Variants in ALG14 observed in about 807,000 individuals in gnomAD.
ALG14 encodes the protein UDP-N-acetylglucosamine transferase subunit ALG14.
In ALG14, 17 loss-of-function variants were observed where a neutral mutation model predicts 22.8. The observed-to-expected ratio is 0.75, with a 90% CI of 0.51 to 1.12. The LOEUF is 1.12. Among genes scored for constraint, ALG14 ranks in the 50% most tolerant of loss-of-function variants. The pLI is 0.00. For synonymous variants in ALG14, 89 were observed against 103.7 expected (o/e 0.86, Z 0.86); for missense variants, 288 against 271.8 (o/e 1.06, Z -0.42).
At chr1:94,993,790 T>C (rs1351852642) in intron 3 of ALG14, among the ~76,000 whole-genome samples, 3 of 152,208 alleles carry the variant, frequency 2.0e-5, no homozygotes, top group Non-Finnish European at 4.4e-5. Flanking sequence ...GGCTAAGCTA[T>C]AAGCAGTGCA....
rs1672543988 is a variant in ALG14 at position 94,983,226 on chromosome 1, C to T, written c.501G>A (p.Val167=). 1.2e-6 allele frequency: 2 copies of T among 1,614,138 alleles called. No homozygotes were observed. The highest frequency in any genetic ancestry group is 1.7e-6 in the Non-Finnish European group (2 of 1,180,026). Reference sequence around the variant, plus strand: ...AGATGCTTTCAACGTAGACAATGATCACTTTCTTTATTCCTAGTATCCCAA... The same window carrying T: ...AGATGCTTTCAACGTAGACAATGATTACTTTCTTTATTCCTAGTATCCCAA... ...LLLGILGIKK[V]IIVYVESICR... is the part of the protein sequence containing the mutation. The change falls in exon 4 of 4, where the codon GTG becomes GTA. Residue 167 remains valine, a synonymous_variant. Coordinates refer to ENST00000370205, the MANE Select transcript of ALG14 (RefSeq NM_144988.4).
intron 3 of ALG14, among the ~76,000 whole-genome samples, chr1:95,020,999 C>T (rs1057075554): frequency 4.6e-5 from 7 of 152,112 alleles, no homozygotes; most frequent in Non-Finnish European, 8.8e-5. Flanking sequence ...GAGAAACTTT[C>T]GCCATTTTCT....
chr1:95,019,501 G>A (rs1317784511), intron 3 of ALG14, among the ~76,000 whole-genome samples: 1 of 152,090 alleles, frequency 6.6e-6, no homozygotes, highest in Non-Finnish European at 1.5e-5. Context: ...CCTCATTCTT[G>A]ATTGTAAGGT....
chr1:95,055,910 T>C (rs1365999295), intron 2 of ALG14, among the ~76,000 whole-genome samples: 1 of 141,904 alleles, frequency 7.0e-6, no homozygotes, highest in African/African-American at 2.6e-5. Context: ...CTTGGGAGGC[T>C]GAGGCAGGAG....
chr1:95,016,480 G>T (rs886201034), intron 3 of ALG14, among the ~76,000 whole-genome samples: 1 of 152,054 alleles, frequency 6.6e-6, no homozygotes, highest in Non-Finnish European at 1.5e-5. Flanking sequence ...ATAAAAAGAG[G>T]AAAGGGAATA....
At chr1:95,070,524 G>C (rs4630158) in intron 1 of ALG14, among the ~76,000 whole-genome samples, 136,213 of 152,218 alleles carry the variant, frequency 0.89, 61,052 homozygotes, top group Non-Finnish European at 0.92. Context: ...CTGTTCTTGC[G>C]TATACAAACT....
chr1:95,038,997 C>T (rs540350348), intron 2 of ALG14, among the ~76,000 whole-genome samples: 1 of 152,322 alleles, frequency 6.6e-6, no homozygotes, highest in South Asian at 2.1e-4. Context: ...GTTGGGATTA[C>T]AGGCGTGAGC....
chr1:95,002,037 C>T (rs1193746693), intron 3 of ALG14, among the ~76,000 whole-genome samples: 3 of 152,162 alleles, frequency 2.0e-5, no homozygotes, highest in African/African-American at 7.2e-5. Flanking sequence ...TGTTCTATTT[C>T]CAGGCTTAAA....
intron 2 of ALG14, among the ~76,000 whole-genome samples, chr1:95,046,973 AAACAT>A (rs56232245): frequency 0.12 from 17,684 of 144,636 alleles, 1,151 homozygotes; most frequent in South Asian, 0.16. Flanking sequence ...TCTCACAAAA[AAACAT>A]AACATAACAT....
chr1:95,026,467 T>C (rs1673819573), intron 3 of ALG14, among the ~76,000 whole-genome samples: 1 of 120,938 alleles, frequency 8.3e-6, no homozygotes, highest in Non-Finnish European at 1.8e-5. Flanking sequence ...AAGGAATGTG[T>C]GTGTGTGTGT....
chr1:95,006,408 G>C (rs938340384), intron 3 of ALG14, among the ~76,000 whole-genome samples: 6 of 152,106 alleles, frequency 3.9e-5, no homozygotes, highest in African/African-American at 1.4e-4. Flanking sequence ...GATTACAATA[G>C]GTTTGAGAAT....
Position 94,975,161 on chromosome 1 carries a change from CT to C in ALG14, c.*7914del, listed in dbSNP as rs1473221746. 1 of 152,304 alleles carries C rather than the reference CT, an allele frequency of 6.6e-6. No individual in the cohort carries two copies. Among genetic ancestry groups the C allele is most frequent in the Non-Finnish European group, 1.5e-5 (1 of 68,118 alleles). 9.4% of individuals were successfully genotyped at this position (152,304 alleles called of 1,614,324 possible). ...CATTAGGAGTTGCCCTCCATTTCCC[CT>C]TCTCACTGCCCCTGGAAACCACTAA... is the stretch of plus-strand genomic sequence containing the variant. On this transcript the variant is annotated 3_prime_UTR_variant, in exon 4 of 4. Coordinates refer to ENST00000370205, the MANE Select transcript of ALG14 (RefSeq NM_144988.4).
chr1:95,006,271 C>T (rs1673217118), intron 3 of ALG14, among the ~76,000 whole-genome samples: 1 of 152,048 alleles, frequency 6.6e-6, no homozygotes, highest in Admixed American at 6.6e-5. Flanking sequence ...ATTACAAATT[C>T]CTTTCCTTTT....
At chr1:95,030,277 G>A (rs921845237) in intron 2 of ALG14, among the ~76,000 whole-genome samples, 12 of 151,606 alleles carry the variant, frequency 7.9e-5, no homozygotes, top group Non-Finnish European at 1.0e-4. Flanking sequence ...TTCAAATCAG[G>A]TTTTGCCGTT....
intron 3 of ALG14, among the ~76,000 whole-genome samples, chr1:94,989,109 G>A (rs1164460429): frequency 6.6e-6 from 1 of 151,974 alleles, no homozygotes; most frequent in South Asian, 2.1e-4. Context: ...CCATTCTCTT[G>A]TTAATGGAAA....
At chr1:95,046,200 A>C (rs1456425809) in intron 2 of ALG14, among the ~76,000 whole-genome samples, 1 of 152,152 alleles carries the variant, frequency 6.6e-6, no homozygotes, top group Non-Finnish European at 1.5e-5. Flanking sequence ...CAGAATAGGA[A>C]TTCAATCAAC....
At chr1:94,999,798 A>G (rs1188338419) in intron 3 of ALG14, among the ~76,000 whole-genome samples, 1 of 152,104 alleles carries the variant, frequency 6.6e-6, no homozygotes, top group African/African-American at 2.4e-5. Flanking sequence ...TCCTACTATG[A>G]TACATTTCTC....
intron 2 of ALG14, among the ~76,000 whole-genome samples, chr1:95,044,882 T>TAAAA (rs372248366): frequency 1.5e-3 from 227 of 151,874 alleles, no homozygotes; most frequent in African/African-American, 4.9e-3. Flanking sequence ...ATTTTTTTTT[T>TAAAA]AAAAAAAGCA....
chr1:95,017,358 G>GA (rs931670867), intron 3 of ALG14, among the ~76,000 whole-genome samples: 13 of 149,812 alleles, frequency 8.7e-5, no homozygotes, highest in Admixed American at 1.3e-4. Flanking sequence ...ACTGTGCTAG[G>GA]AAAAAAAAAT....
Sources: allele counts gnomAD v4.1 joint callset (sites outside exome capture counted in the v4.1 genomes callset), GRCh38; gene constraint gnomAD v4.1.1; transcripts MANE v1.5; gene names NCBI Gene and HGNC (gene_info 2026-07-23, HGNC 2026-07-21).